Variants in GNL3L observed in about 807,000 individuals in gnomAD.
GNL3L encodes guanine nucleotide-binding protein-like 3-like protein.
GNL3L carries 4 observed loss-of-function variants against 42.9 expected under a neutral mutation model. The observed-to-expected ratio is 0.09, with a 90% CI of 0.05 to 0.21. GNL3L has a LOEUF of 0.21. Ranked by LOEUF, GNL3L falls within the 10% of genes least tolerant of loss-of-function variation. The pLI is 1.00. For missense variants in GNL3L, 412 were observed against 481.7 expected, an observed-to-expected ratio of 0.86 and a Z score of 1.36; for synonymous variants, 159 against 176.3, an observed-to-expected ratio of 0.90 and a Z score of 0.78.
chrX:54,642,524 C>T, the GNL3L span, among the ~76,000 whole-genome samples: 1 of 110,573 alleles, frequency 9.0e-6, no homozygotes. Flanking sequence ...CTGAGTGTTC[C>T]TTCTCTTTAT....
rs777543898 is a variant in GNL3L at position 54,543,252 on chromosome X, G to A, written c.436G>A (p.Asp146Asn). ...DVILEVLDARDPLGCRCFQME... is the reference protein window; with the variant it reads ...DVILEVLDARNPLGCRCFQME... Reference sequence around the variant, plus strand: ...GATTCTGGAAGTCCTGGATGCCAGAGACCCATTAGGCTGCCGCTGCTTCCA... The same window carrying A: ...GATTCTGGAAGTCCTGGATGCCAGAAACCCATTAGGCTGCCGCTGCTTCCA... Residue 146 changes from aspartate to asparagine, a missense_variant, in exon 7 of 16, where the codon GAC becomes AAC. By Grantham distance (23) the Asp-to-Asn change is conservative. Transcript: ENST00000360845. 8.3e-7 allele frequency: 1 copy of A among 1,207,926 alleles called. No homozygotes were observed. The highest frequency in any genetic ancestry group is 2.2e-5 in the Admixed American group (1 of 45,882).
intron 16 of GNL3L, among the ~76,000 whole-genome samples, chrX:54,609,134 G>A (rs997060914): frequency 8.9e-6 from 1 of 112,054 alleles, no homozygotes; most frequent in African/African-American, 3.2e-5. Flanking sequence ...TCATGTGTTT[G>A]TTGGCCGTTT....
chrX:54,628,256 CTTTA>C, the GNL3L span, among the ~76,000 whole-genome samples: 3 of 97,082 alleles, frequency 3.1e-5, no homozygotes, highest in South Asian at 1.4e-3. Flanking sequence ...TGTGTGTATT[CTTTA>C]TTTACTTGTT....
intron 2 of GNL3L, among the ~76,000 whole-genome samples, chrX:54,535,929 A>T: frequency 1.1e-5 from 1 of 94,555 alleles, no homozygotes; most frequent in African/African-American, 4.2e-5. Flanking sequence ...CACCTGGCTA[A>T]TTTTTTTTTT....
At position 54,538,892 on chromosome X, in the gene GNL3L, G is replaced by A. The variant is rs753313823; in HGVS notation, c.20-148G>A. ...TCCTCTGATACTATTGCTGCCATCC[G>A]CATCTCTTGTCTTGTGCTGGATCTA... is the stretch of plus-strand genomic sequence containing the variant. On this transcript the variant is annotated intron_variant, in intron 2 of 15. Transcript: ENST00000360845. The A allele has an allele frequency of 1.7e-5, 7 of 409,117 alleles. No homozygotes were observed. In the Admixed American group the frequency reaches 1.8e-4, roughly 11 times the overall value. The allele number at this position is 409,117 out of a possible 1,213,427, so 33.7% of individuals were successfully genotyped here.
intron 16 of GNL3L, among the ~76,000 whole-genome samples, chrX:54,573,903 C>G (rs1925597820): frequency 1.9e-5 from 2 of 106,541 alleles, no homozygotes; most frequent in African/African-American, 6.9e-5. Flanking sequence ...GATGCCAGGC[C>G]CTGTGAATTT....
chrX:54,623,830 C>CA (rs926224056), downstream of GNL3L, among the ~76,000 whole-genome samples: 3 of 110,986 alleles, frequency 2.7e-5, no homozygotes, highest in Non-Finnish European at 5.7e-5. Context: ...TATATAGAAA[C>CA]ACAACTAATT....
rs1222509959 is a variant in GNL3L at position 54,551,626 on chromosome X, G to T, written c.922G>T (p.Val308Phe). 8.3e-7 allele frequency: 1 copy of T among 1,208,554 alleles called. No individual in the cohort carries two copies. The highest frequency in any genetic ancestry group is 1.7e-5 in the African/African-American group (1 of 57,179). Residue 308 changes from valine (V) to phenylalanine (F), a missense_variant, in exon 11 of 16, where the codon GTC becomes TTC. Coordinates refer to ENST00000360845, the MANE Select transcript of GNL3L (RefSeq NM_001184819.2). ...FIRLLDAPGI[V>F]PGPNSEVGTI... ...CCGGCTCTTGGATGCTCCAGGCATTGTCCCAGGGCCCAACTCAGAGGTGGG... is the reference window on the plus strand; with the variant it reads ...CCGGCTCTTGGATGCTCCAGGCATTTTCCCAGGGCCCAACTCAGAGGTGGG...
At chrX:54,597,178 C>T in intron 16 of GNL3L, among the ~76,000 whole-genome samples, 1 of 111,673 alleles carries the variant, frequency 9.0e-6, no homozygotes, top group Non-Finnish European at 1.9e-5. Context: ...GTCTCAGAGT[C>T]TCACCCAAGG....
chrX:54,623,216 T>A (rs1926310464), downstream of GNL3L, among the ~76,000 whole-genome samples: 1 of 111,700 alleles, frequency 9.0e-6, no homozygotes, highest in African/African-American at 3.3e-5. Flanking sequence ...CAATTCCATA[T>A]GAATTTGAAG....
intron 16 of GNL3L, among the ~76,000 whole-genome samples, chrX:54,577,170 G>A (rs755401075): frequency 8.9e-5 from 10 of 111,966 alleles, no homozygotes; most frequent in Non-Finnish European, 1.7e-4. Context: ...CTGTTTTTGC[G>A]ACTGGCTTAT....
At chrX:54,624,445 T>C (rs1426588951), downstream of GNL3L, among the ~76,000 whole-genome samples, 2 of 102,281 alleles carry the variant, frequency 2.0e-5, no homozygotes, top group African/African-American at 3.6e-5. Flanking sequence ...TTTCTTTTTT[T>C]TTTTTTTTTT....
At chrX:54,552,121 G>A in intron 12 of GNL3L, 147 bp downstream of exon 12, 2 of 798,611 alleles carry the variant, frequency 2.5e-6, no homozygotes, top group Non-Finnish European at 1.8e-6. Context: ...TGTCCTGCTC[G>A]AGACTTTATG....
the GNL3L span, among the ~76,000 whole-genome samples, chrX:54,630,978 T>C: frequency 9.3e-6 from 1 of 107,702 alleles, no homozygotes; most frequent in African/African-American, 3.4e-5. Context: ...GGCTAATTTT[T>C]ATATTTTTAA....
chrX:54,532,691 C>T (rs1055350021), intron 2 of GNL3L, 106 bp downstream of exon 2: 19 of 651,482 alleles, frequency 2.9e-5, no homozygotes, highest in Admixed American at 2.5e-4. Context: ...GATGGAGTCT[C>T]GCTCTGTCAC....
chrX:54,585,461 C>G (rs970164726), intron 16 of GNL3L, among the ~76,000 whole-genome samples: 4 of 111,349 alleles, frequency 3.6e-5, no homozygotes, highest in Non-Finnish European at 7.5e-5. Context: ...GTCAGATATT[C>G]AACTTCTTTA....
chrX:54,600,607 TAAG>T (rs1369237440), intron 16 of GNL3L, among the ~76,000 whole-genome samples: 1 of 110,557 alleles, frequency 9.0e-6, no homozygotes, highest in Non-Finnish European at 1.9e-5. Flanking sequence ...CTGCCAGATG[TAAG>T]AAGAAGTCTA....
At chrX:54,556,444 T>A (rs1331478950) in intron 14 of GNL3L, among the ~76,000 whole-genome samples, 1 of 110,597 alleles carries the variant, frequency 9.0e-6, no homozygotes, top group Non-Finnish European at 1.9e-5. Flanking sequence ...CATGTAGGGA[T>A]TATGGGAATT....
chrX:54,554,539 T>C (rs1454539881), intron 13 of GNL3L, 26 bp from the exon 14 acceptor site: 1 of 1,203,202 alleles, frequency 8.3e-7, no homozygotes, highest in Admixed American at 2.2e-5. Flanking sequence ...GCCAGGGCCC[T>C]GACAGTGGTG....
Sources: allele counts gnomAD v4.1 joint callset (sites outside exome capture counted in the v4.1 genomes callset), GRCh38; gene constraint gnomAD v4.1.1; transcripts MANE v1.5; gene names NCBI Gene and HGNC (gene_info 2026-07-23, HGNC 2026-07-21).